The following SHANK2 variants were observed in gnomAD, a reference collection of about 807,000 sequenced individuals.
SHANK2 encodes SH3 and multiple ankyrin repeat domains protein 2.
Under a neutral mutation model 133.7 loss-of-function variants are expected in SHANK2, and 43 were observed. That is an observed-to-expected ratio of 0.32 (90% CI 0.25 to 0.41). The LOEUF (loss-of-function observed/expected upper bound fraction) is 0.41, where lower values mean the gene tolerates loss of function less well. Among genes scored for constraint, SHANK2 ranks in the 10% least tolerant of loss-of-function variants. The pLI, the probability that SHANK2 is intolerant of heterozygous loss-of-function variation, is 1.00. For missense variants in SHANK2, 1,994 were observed against 2,235.8 expected, an observed-to-expected ratio of 0.89 and a Z score of 2.18; for synonymous variants, 1,017 against 952.8, an observed-to-expected ratio of 1.07 and a Z score of -1.24.
intron 17 of SHANK2, among the ~76,000 whole-genome samples, chr11:70,658,726 G>A (rs1339312585): frequency 6.6e-6 from 1 of 152,192 alleles, no homozygotes; most frequent in East Asian, 1.9e-4. Flanking sequence ...GGGAGCTTAG[G>A]CCTGATTGGG....
At chr11:70,559,894 C>A (rs1423766707) in intron 17 of SHANK2, among the ~76,000 whole-genome samples, 1 of 136,656 alleles carries the variant, frequency 7.3e-6, no homozygotes, top group Non-Finnish European at 1.6e-5. Flanking sequence ...TATTTTGAGA[C>A]AGAGTCTCAC....
At chr11:70,601,685 C>T (rs2060499960) in intron 17 of SHANK2, among the ~76,000 whole-genome samples, 1 of 152,146 alleles carries the variant, frequency 6.6e-6, no homozygotes, top group African/African-American at 2.4e-5. Flanking sequence ...ACAAATCAAT[C>T]CGAAAAGGAT....
At chr11:70,930,091 A>C (rs1950482115) in intron 10 of SHANK2, among the ~76,000 whole-genome samples, 1 of 152,244 alleles carries the variant, frequency 6.6e-6, no homozygotes, top group South Asian at 2.1e-4. Flanking sequence ...TATGCTCCAG[A>C]AAATTTTTAT....
chr11:70,716,155 G>A (rs958693442), intron 14 of SHANK2, among the ~76,000 whole-genome samples: 1 of 152,092 alleles, frequency 6.6e-6, no homozygotes, highest in Non-Finnish European at 1.5e-5. Flanking sequence ...CTCTTTCCCC[G>A]GCCAATCAGA....
rs535107601 is a variant in SHANK2 at position 71,116,151 on chromosome 11, T to A, written c.411+2678A>T. ...GAAACGTGCAGACGCGGCATCACCT[T>A]AGCCCTGGGTGGGCGTCCATGACAT... On this transcript the variant is annotated intron_variant, in intron 4 of 25. Coordinates refer to ENST00000601538, the MANE Select transcript of SHANK2 (RefSeq NM_012309.5). Among the ~76,000 whole-genome samples, 18 of 152,334 alleles carry A rather than the reference T, an allele frequency of 1.2e-4. No homozygotes were observed. The South Asian group carries it at 3.7e-3, about 32-fold the overall frequency.
intron 17 of SHANK2, among the ~76,000 whole-genome samples, chr11:70,556,618 G>T (rs1162158408): frequency 6.7e-6 from 1 of 148,268 alleles, no homozygotes; most frequent in Non-Finnish European, 1.5e-5. Flanking sequence ...TTGAGACAGG[G>T]TCTCACTCTG....
intron 10 of SHANK2, among the ~76,000 whole-genome samples, chr11:70,921,765 G>A (rs561305779): frequency 6.6e-6 from 1 of 152,328 alleles, no homozygotes. Flanking sequence ...ACTGCATCAA[G>A]GTGACAAGGC....
intron 17 of SHANK2, among the ~76,000 whole-genome samples, chr11:70,515,650 A>AAT (rs1465635384): frequency 6.6e-6 from 1 of 150,848 alleles, no homozygotes; most frequent in Non-Finnish European, 1.5e-5. Context: ...AAAAAAAAAA[A>AAT]AAAAAAAAAA....
At chr11:70,499,061 G>A (rs2059013134) in intron 21 of SHANK2, among the ~76,000 whole-genome samples, 1 of 152,190 alleles carries the variant, frequency 6.6e-6, no homozygotes, top group East Asian at 1.9e-4. Context: ...TTTTTCCGAG[G>A]CGAGGCCAGT....
chr11:70,894,644 C>T lies in SHANK2; in HGVS notation c.1174+1857G>A, dbSNP rs140570731. ...GAGAGCTGGGATAAGGAAGCCACTT[C>T]ACCCCTTCCTCTTTGCAGTGCAGGC... On this transcript the variant is annotated intron_variant, in intron 11 of 25. Coordinates refer to ENST00000601538, the MANE Select transcript of SHANK2 (RefSeq NM_012309.5). Among the ~76,000 whole-genome samples the T allele has an allele frequency of 3.9e-5, 6 of 152,292 alleles. No homozygotes were observed. In the East Asian group the frequency reaches 9.7e-4, roughly 25 times the overall value.
rs554081990 is a variant in SHANK2, at chr11:70,805,560, G to A, written c.1663+1442C>T. Reference sequence around the variant, plus strand: ...CTGGCCTCAGTGGGGAGGAGGGAAGGTGGCTCTCAGCACTAGTCCTCAGAG... The same window carrying A: ...CTGGCCTCAGTGGGGAGGAGGGAAGATGGCTCTCAGCACTAGTCCTCAGAG... On this transcript the variant is annotated intron_variant, in intron 13 of 25. Coordinates refer to ENST00000601538, the MANE Select transcript of SHANK2 (RefSeq NM_012309.5). 4.6e-5 allele frequency among the ~76,000 whole-genome samples: 7 copies of A among 152,370 alleles called. 1 individual carries two copies. The South Asian group carries it at 1.4e-3, about 32-fold the overall frequency.
At chr11:70,880,340 C>T (rs1227157187) in intron 11 of SHANK2, among the ~76,000 whole-genome samples, 1 of 152,154 alleles carries the variant, frequency 6.6e-6, no homozygotes, top group African/African-American at 2.4e-5. Flanking sequence ...GACCGGGCTT[C>T]GGGGGCTGCT....
chr11:70,607,248 A>AG (rs1241098634), intron 17 of SHANK2, among the ~76,000 whole-genome samples: 1 of 152,170 alleles, frequency 6.6e-6, no homozygotes, highest in Non-Finnish European at 1.5e-5. Flanking sequence ...CCTAGGTCCT[A>AG]GGGGAATTTT....
At chr11:71,155,881 C>A (rs1255359561) in intron 2 of SHANK2, among the ~76,000 whole-genome samples, 1 of 152,182 alleles carries the variant, frequency 6.6e-6, no homozygotes, top group African/African-American at 2.4e-5. Flanking sequence ...TCCGAATCCC[C>A]GGGGCCTGGA....
chr11:70,943,220 TGGA>T, intron 10 of SHANK2: 1 of 383,616 alleles, frequency 2.6e-6, no homozygotes, highest in Non-Finnish European at 5.2e-6. Context: ...TGTCTGTGTC[TGGA>T]GGAGATTATG....
intron 11 of SHANK2, among the ~76,000 whole-genome samples, chr11:70,838,683 A>G (rs1389768028): frequency 6.6e-6 from 1 of 152,176 alleles, no homozygotes; most frequent in Non-Finnish European, 1.5e-5. Context: ...AGTCTCCCCA[A>G]GGCACTTGGG....
intron 10 of SHANK2, among the ~76,000 whole-genome samples, chr11:70,898,685 T>C (rs1949977621): frequency 6.6e-6 from 1 of 152,200 alleles, no homozygotes; most frequent in Admixed American, 6.5e-5. Flanking sequence ...TGACTGCTTA[T>C]AGTAAAATGC....
chr11:70,591,150 G>C (rs374190734), intron 17 of SHANK2, among the ~76,000 whole-genome samples: 2 of 152,114 alleles, frequency 1.3e-5, no homozygotes, highest in Admixed American at 1.3e-4. Context: ...TCAGGAGTTC[G>C]AGACCAACCT....
chr11:70,840,905 C>T (rs1457704425), intron 11 of SHANK2, among the ~76,000 whole-genome samples: 2 of 152,172 alleles, frequency 1.3e-5, no homozygotes, highest in Non-Finnish European at 2.9e-5. Flanking sequence ...TTCACTGGAG[C>T]TTGATAAGAC....
Sources: allele counts gnomAD v4.1 joint callset (sites outside exome capture counted in the v4.1 genomes callset), GRCh38; gene constraint gnomAD v4.1.1; transcripts MANE v1.5; gene names NCBI Gene and HGNC (gene_info 2026-07-23, HGNC 2026-07-21).